The following BOC variants were observed in gnomAD, a reference collection of about 807,000 sequenced individuals.
BOC encodes the protein brother of CDO.
A neutral mutation model predicts 112.0 loss-of-function variants in BOC; 76 were observed. That is an observed-to-expected ratio of 0.68 (90% CI 0.56 to 0.82). The LOEUF (loss-of-function observed/expected upper bound fraction) is 0.82. BOC is among the 40% of genes least tolerant of loss of function. BOC has a pLI of 0.00. For synonymous variants in BOC, 580 were observed against 599.8 expected (o/e 0.97, Z 0.48); for missense variants, 1,309 against 1,511.7 (o/e 0.87, Z 2.22).
chr3:113,280,038 G>A, intron 13 of BOC, 33 bp downstream of exon 13: 1 of 1,567,252 alleles, frequency 6.4e-7, no homozygotes, highest in Non-Finnish European at 8.7e-7. Context: ...TGCAGTGGAA[G>A]ACGGCCTCCC....
Position 113,268,414 on chromosome 3 carries a change from C to T in BOC, c.492C>T (p.Ser164=), listed in dbSNP as rs766842042. 6 of 1,613,938 alleles carry T rather than the reference C, an allele frequency of 3.7e-6. No homozygotes were observed. Among genetic ancestry groups the T allele is most frequent in the Middle Eastern group, 1.6e-4 (1 of 6,084 alleles). ...ACCCCAAAGCCCAGGTCCGGTACAG[C>T]GTCAAACAAGAGTGGCTGGAGGCCT... ...ESHPKAQVRY[S]VKQEWLEASR... The change falls in exon 5 of 20, where the codon AGC becomes AGT. Residue 164 remains serine, a synonymous_variant. Transcript: ENST00000682979.
At chr3:113,230,354 A>T (rs777455871) in intron 2 of BOC, among the ~76,000 whole-genome samples, 1 of 152,238 alleles carries the variant, frequency 6.6e-6, no homozygotes, top group Admixed American at 6.5e-5. Context: ...TGGCTAGTGC[A>T]TGATTCCAAC....
At chr3:113,237,746 C>A (rs552468342) in intron 2 of BOC, among the ~76,000 whole-genome samples, 1 of 152,212 alleles carries the variant, frequency 6.6e-6, no homozygotes, top group African/African-American at 2.4e-5. Context: ...GTCCTTTCCC[C>A]CCAGGAAAAA....
At chr3:113,226,425 G>C (rs1188159511) in intron 2 of BOC, among the ~76,000 whole-genome samples, 1 of 152,144 alleles carries the variant, frequency 6.6e-6, no homozygotes, top group Non-Finnish European at 1.5e-5. Context: ...GTGGGCTTCT[G>C]GTTTTACTGA....
intron 4 of BOC, chr3:113,251,143 G>T (rs546149903): frequency 1.6e-5 from 9 of 565,814 alleles, no homozygotes; most frequent in Non-Finnish European, 2.8e-5. Flanking sequence ...GGGCCGTGCC[G>T]TGCCTTCCTA....
Position 113,272,611 on chromosome 3 carries a change from G to A in BOC, c.869G>A (p.Ser290Asn). Reference protein sequence around the residue: ...LLSNLLIDTTSEEDSGTYRCM... With the variant: ...LLSNLLIDTTNEEDSGTYRCM... Reference sequence around the variant, plus strand: ...AGCAACCTCCTCATCGACACCACCAGCGAGGAGGACTCAGGCACCTACCGC... The same window carrying A: ...AGCAACCTCCTCATCGACACCACCAACGAGGAGGACTCAGGCACCTACCGC... The change falls in exon 7 of 20, where the codon AGC (serine) becomes AAC (asparagine). Residue 290 changes from serine (S) to asparagine (N), a missense_variant. Coordinates refer to ENST00000682979, the MANE Select transcript of BOC (RefSeq NM_001378074.1). 6.2e-7 allele frequency: 1 copy of A among 1,614,042 alleles called. No individual in the cohort carries two copies. The highest frequency in any genetic ancestry group is 8.5e-7 in the Non-Finnish European group (1 of 1,180,004).
chr3:113,272,668 G>A lies in BOC; in HGVS notation c.926G>A (p.Gly309Glu). ...GCCGACAATGGGGTTGGGCAGCCCG[G>A]GGCAGCGGTCATCCTCTACAATGTC... Reference protein sequence around the residue: ...CMADNGVGQPGAAVILYNVQV... With the variant: ...CMADNGVGQPEAAVILYNVQV... Residue 309 changes from glycine (G) to glutamate (E), a missense_variant, in exon 7 of 20, where the codon GGG (glycine) becomes GAG (glutamate). By Grantham distance (98) the Gly-to-Glu change is moderately conservative. Transcript: ENST00000682979. 6.2e-7 allele frequency: 1 copy of A among 1,613,754 alleles called. No individual in the cohort carries two copies. The highest frequency in any genetic ancestry group is 8.5e-7 in the Non-Finnish European group (1 of 1,179,932).
intron 1 of BOC, among the ~76,000 whole-genome samples, chr3:113,213,575 T>C (rs1468596766): frequency 6.6e-6 from 1 of 152,218 alleles, no homozygotes; most frequent in Non-Finnish European, 1.5e-5. Flanking sequence ...CCCATACATC[T>C]GGGTGACCTG....
chr3:113,247,783 C>T (rs531396632), intron 2 of BOC, among the ~76,000 whole-genome samples: 3 of 152,310 alleles, frequency 2.0e-5, no homozygotes, highest in East Asian at 3.9e-4. Flanking sequence ...CCCAATTGTA[C>T]TCACATCCTT....
In BOC at chr3:113,286,682, A is replaced by AT. The variant is rs775430437; in HGVS notation, c.3169dup (p.Cys1057LeufsTer9). On this transcript the variant is annotated frameshift_variant, in exon 20 of 20. Coordinates refer to ENST00000682979, the MANE Select transcript of BOC (RefSeq NM_001378074.1). LOFTEE classifies it high-confidence loss of function. ...TACTCTTTCTCCCCTCAGGGCCCCC[A>AT]TGCTGCTTGGGCCTTGTGCCAGTTG... The AT allele has an allele frequency of 3.2e-6, 5 of 1,580,930 alleles. No individual in the cohort carries two copies. The South Asian group carries it at 5.8e-5, about 18-fold the overall frequency.
intron 2 of BOC, among the ~76,000 whole-genome samples, chr3:113,224,015 A>G (rs1941217348): frequency 6.6e-6 from 1 of 152,206 alleles, no homozygotes; most frequent in Non-Finnish European, 1.5e-5. Flanking sequence ...AGACCTTCCC[A>G]TCCCGTCCCT....
At chr3:113,260,611 T>A (rs1946712609) in intron 4 of BOC, among the ~76,000 whole-genome samples, 1 of 150,980 alleles carries the variant, frequency 6.6e-6, no homozygotes. Flanking sequence ...AGCATTACCA[T>A]CTGAACACCA....
intron 2 of BOC, among the ~76,000 whole-genome samples, chr3:113,232,999 T>C (rs1195896369): frequency 6.6e-6 from 1 of 152,218 alleles, no homozygotes; most frequent in Non-Finnish European, 1.5e-5. Flanking sequence ...CATGTCGCAG[T>C]GCAGCCAGAT....
chr3:113,213,455 T>C (rs1363921597), intron 1 of BOC, among the ~76,000 whole-genome samples: 2 of 152,258 alleles, frequency 1.3e-5, no homozygotes, highest in Non-Finnish European at 2.9e-5. Flanking sequence ...AGCTCTGTGA[T>C]GGTTTTTTTC....
chr3:113,217,166 C>T (rs546696152), intron 2 of BOC, among the ~76,000 whole-genome samples: 19 of 152,276 alleles, frequency 1.2e-4, no homozygotes, highest in African/African-American at 4.1e-4. Context: ...TGAAGGGAAA[C>T]GCAGAGCACT....
chr3:113,271,251 C>T (rs572675138), intron 6 of BOC: 29 of 551,134 alleles, frequency 5.3e-5, no homozygotes, highest in African/African-American at 1.9e-4. Flanking sequence ...TGGGACAGGA[C>T]GGTGGGTCTT....
intron 9 of BOC, among the ~76,000 whole-genome samples, chr3:113,275,021 C>T (rs1948517140): frequency 6.6e-6 from 1 of 152,230 alleles, no homozygotes; most frequent in African/African-American, 2.4e-5. Context: ...CACCCTCCTT[C>T]TTGCTTTCCT....
Position 113,274,490 on chromosome 3 carries a change from A to G in BOC, c.1350A>G (p.Arg450=), listed in dbSNP as rs754121189. Residue 450 remains arginine (R), a synonymous_variant, in exon 9 of 20, where the codon AGA becomes AGG. Transcript: ENST00000682979. The surrounding 1 kb of genome is among the most constrained non-coding windows in gnomAD (Gnocchi z 4.8). ...QMLRGQPALP[R]PPTSVGPASP... is the part of the protein sequence containing the mutation. ...TGAGGGGGCAACCGGCGCTCCCCAG[A>G]CCCCCAACGTCAGTGGGGCCTGCTT... is the stretch of plus-strand genomic sequence containing the variant. 31 of 1,611,838 alleles carry G rather than the reference A, an allele frequency of 1.9e-5. 1 individual carries two copies. In the East Asian group the frequency reaches 6.9e-4, roughly 36 times the overall value.
chr3:113,250,696 AT>A lies in BOC; in HGVS notation c.240del (p.Asp80GlufsTer43). 1 of 1,614,092 alleles carries A rather than the reference AT, an allele frequency of 6.2e-7. No homozygotes were observed. ...GGAAAGGAGCTGAATGGCTCGGATG[AT>A]GCTCTGGGTGTCCTCATCACCCACG... ...LNGKELNGSDDALGVLITHGT... is the reference protein window; with the variant it reads ...LNGKELNGSDXALGVLITHGT... On this transcript the variant is annotated frameshift_variant, in exon 4 of 20. Coordinates refer to ENST00000682979, the MANE Select transcript of BOC (RefSeq NM_001378074.1). LOFTEE classifies it high-confidence loss of function.
Sources: allele counts gnomAD v4.1 joint callset (sites outside exome capture counted in the v4.1 genomes callset), GRCh38; gene constraint gnomAD v4.1.1; non-coding constraint Gnocchi (gnomAD v3.1); transcripts MANE v1.5; gene names NCBI Gene and HGNC (gene_info 2026-07-23, HGNC 2026-07-21).